The following ANKRD28 variants were observed in gnomAD, a reference collection of about 807,000 sequenced individuals.
ANKRD28 encodes ankyrin repeat domain 28, also known as serine/threonine-protein phosphatase 6 regulatory ankyrin repeat subunit A.
Under a neutral mutation model 126.5 loss-of-function variants are expected in ANKRD28, and 44 were observed. The ratio of observed to expected loss-of-function variants is 0.35; its 90% CI spans 0.27 to 0.45. The LOEUF (loss-of-function observed/expected upper bound fraction) is 0.45. ANKRD28 is among the 20% of genes least tolerant of loss of function. The pLI is 1.00. For missense variants in ANKRD28, 1,110 were observed against 1,316.6 expected, an observed-to-expected ratio of 0.84 and a Z score of 2.43; for synonymous variants, 442 against 468.5, an observed-to-expected ratio of 0.94 and a Z score of 0.73.
chr3:15,814,271 G>A lies in ANKRD28; in HGVS notation c.28-18965C>T. The A allele has an allele frequency of 7.9e-7, 1 of 1,268,514 alleles. No homozygotes were observed. Among genetic ancestry groups the A allele is most frequent in the South Asian group, 1.3e-5 (1 of 76,322 alleles). The allele number at this position is 1,268,514 out of a possible 1,614,324, so 78.6% of individuals were successfully genotyped here. ...AGGAATTCCCATACTATTTTCCTCT[G>A]GTGGAGGCAGTTGTACTGTTTCAAT... On this transcript the variant is annotated intron_variant, in intron 1 of 27. Transcript: ENST00000399451. This position sits in a 1 kb window ranked among gnomAD's most constrained non-coding sequence, Gnocchi z 4.7.
chr3:15,812,832 C>T lies in ANKRD28; in HGVS notation c.28-17526G>A, dbSNP rs1416113144. Among the ~76,000 whole-genome samples the T allele has an allele frequency of 1.3e-5, 2 of 152,078 alleles. No homozygotes were observed. The highest frequency in any genetic ancestry group is 2.9e-5 in the Non-Finnish European group (2 of 68,006). On this transcript the variant is annotated intron_variant, in intron 1 of 27. Transcript: ENST00000399451. The surrounding 1 kb of genome is among the most constrained non-coding windows in gnomAD (Gnocchi z 4.1). ...TGATCATGGGTAGGTAATCTAGACC[C>T]TCCTGAAAAGGCCAGGTAAAGATTC... is the stretch of plus-strand genomic sequence containing the variant.
chr3:15,851,145 T>C (rs1191476848), intron 1 of ANKRD28, among the ~76,000 whole-genome samples: 1 of 152,136 alleles, frequency 6.6e-6, no homozygotes, highest in Non-Finnish European at 1.5e-5. Context: ...TATATCCTTA[T>C]CACAAATAAA....
At chr3:15,729,448 C>T (rs895635314) in intron 6 of ANKRD28, among the ~76,000 whole-genome samples, 5 of 152,278 alleles carry the variant, frequency 3.3e-5, no homozygotes, top group East Asian at 1.9e-4. Context: ...TGTGATGTTT[C>T]GTAAACGGAA....
chr3:15,788,904 C>G (rs948810364), intron 2 of ANKRD28, among the ~76,000 whole-genome samples: 3 of 151,630 alleles, frequency 2.0e-5, no homozygotes, highest in African/African-American at 7.3e-5. Context: ...ACATTTACCC[C>G]CCCAAAAAAA....
chr3:15,725,772 G>A (rs141575618), intron 6 of ANKRD28, among the ~76,000 whole-genome samples: 17 of 152,264 alleles, frequency 1.1e-4, no homozygotes, highest in African/African-American at 3.1e-4. Flanking sequence ...GATCAGGCAC[G>A]GTGGCTCATG....
At chr3:15,785,960 T>C (rs1559529106) in intron 2 of ANKRD28, among the ~76,000 whole-genome samples, 3 of 152,018 alleles carry the variant, frequency 2.0e-5, no homozygotes, top group African/African-American at 7.2e-5. Context: ...TACTATATGA[T>C]TCCAACTATA....
intron 1 of ANKRD28, among the ~76,000 whole-genome samples, chr3:15,808,687 T>A (rs1407300118): frequency 2.0e-5 from 3 of 152,178 alleles, no homozygotes; most frequent in African/African-American, 7.2e-5. Context: ...ACAGCTTTGG[T>A]TTAACCTTCT....
In ANKRD28 at chr3:15,675,887, A is replaced by T; in HGVS notation, c.2965+11T>A. 1 of 1,599,332 alleles carries T rather than the reference A, an allele frequency of 6.3e-7. No homozygotes were observed. ...TCTAGGTTAAGGGAAGAGAATATAG[A>T]ACCAACTTACCATTTTCATCTACTG... On this transcript the variant is annotated intron_variant, in intron 27 of 27. Coordinates refer to ENST00000683139, the MANE Select transcript of ANKRD28 (RefSeq NM_001349278.2).
chr3:15,767,474 GGCC>G (rs2058791813), intron 2 of ANKRD28, among the ~76,000 whole-genome samples: 1 of 151,948 alleles, frequency 6.6e-6, no homozygotes, highest in Non-Finnish European at 1.5e-5. Context: ...ATACATTCCT[GGCC>G]TCCCTTGAAG....
intron 14 of ANKRD28, among the ~76,000 whole-genome samples, chr3:15,703,586 C>A: frequency 6.6e-6 from 1 of 152,194 alleles, no homozygotes. Context: ...GTGCTGGTGC[C>A]TTGATATTCT....
At position 15,670,407 on chromosome 3, in the gene ANKRD28, T is replaced by C. The variant is rs772288422; in HGVS notation, c.3115A>G (p.Thr1039Ala). 9.3e-6 allele frequency: 15 copies of C among 1,613,866 alleles called. No individual in the cohort carries two copies. The South Asian group carries it at 1.6e-4, about 18-fold the overall frequency. ...AINRYTNTSK[T>A]VSFEALPIMR... ...ATGGGCAAAGCTTCAAAGCTGACTG[T>C]TTTTGAGGTGTTGGTATAACGGTTA... Residue 1039 changes from threonine (T) to alanine (A), a missense_variant, in exon 28 of 28, where the codon ACA becomes GCA. By Grantham distance (58) the Thr-to-Ala change is moderately conservative. Transcript: ENST00000683139.
intron 3 of ANKRD28, among the ~76,000 whole-genome samples, chr3:15,764,260 T>C (rs1559492858): frequency 6.6e-6 from 1 of 152,148 alleles, no homozygotes. Flanking sequence ...TAAGTTCAAA[T>C]AGCTTTTTAT....
At chr3:15,752,925 A>G (rs1222986560) in intron 3 of ANKRD28, among the ~76,000 whole-genome samples, 1 of 152,234 alleles carries the variant, frequency 6.6e-6, no homozygotes, top group Non-Finnish European at 1.5e-5. Context: ...ACAAAGATTA[A>G]CATATAATAA....
At chr3:15,702,858 A>T (rs1338285602) in intron 14 of ANKRD28, among the ~76,000 whole-genome samples, 1 of 152,130 alleles carries the variant, frequency 6.6e-6, no homozygotes, top group East Asian at 1.9e-4. Context: ...TCAGTTTTAA[A>T]AAATACAACT....
In ANKRD28 at chr3:15,815,698, G is replaced by C. The variant is rs2060818738; in HGVS notation, c.28-20392C>G. Among the ~76,000 whole-genome samples, 2 of 152,242 alleles carry C rather than the reference G, an allele frequency of 1.3e-5. No homozygotes were observed. Among genetic ancestry groups the C allele is most frequent in the South Asian group, 4.1e-4 (2 of 4,824 alleles). ...TGTAGTAATTAATGCCTTCTAAAAT[G>C]TTAGAAGACATAAACTATCCTTGGA... is the stretch of plus-strand genomic sequence containing the variant. On this transcript the variant is annotated intron_variant, in intron 1 of 27. Coordinates refer to the ANKRD28 transcript ENST00000399451. This position sits in a 1 kb window ranked among gnomAD's most constrained non-coding sequence, Gnocchi z 4.1.
intron 3 of ANKRD28, among the ~76,000 whole-genome samples, chr3:15,757,932 G>A (rs1293296679): frequency 6.6e-6 from 1 of 152,174 alleles, no homozygotes; most frequent in Non-Finnish European, 1.5e-5. Context: ...TAAATATGTA[G>A]CTTTCACTAT....
Position 15,845,012 on chromosome 3 carries a change from G to A in ANKRD28, c.27+14365C>T, listed in dbSNP as rs971330244. Among the ~76,000 whole-genome samples, 1 of 152,106 alleles carries A rather than the reference G, an allele frequency of 6.6e-6. No individual in the cohort carries two copies. The highest frequency in any genetic ancestry group is 1.5e-5 in the Non-Finnish European group (1 of 68,028). On this transcript the variant is annotated intron_variant, in intron 1 of 27. Coordinates refer to the ANKRD28 transcript ENST00000399451. The surrounding 1 kb of genome is among the most constrained non-coding windows in gnomAD (Gnocchi z 4.9). The stretch of plus-strand genomic sequence containing the variant: ...GAAGCAGGCATATCTTACATGGCTG[G>A]AGCAGGAGCAAAATGGGGACACGGG...
intron 6 of ANKRD28, among the ~76,000 whole-genome samples, chr3:15,730,820 G>T (rs577112311): frequency 6.6e-6 from 1 of 152,342 alleles, no homozygotes; most frequent in East Asian, 1.9e-4. Flanking sequence ...GTCCTCCGAA[G>T]TTCATATGTT....
intron 2 of ANKRD28, among the ~76,000 whole-genome samples, chr3:15,787,515 T>C (rs570936682): frequency 1.3e-5 from 2 of 152,300 alleles, no homozygotes; most frequent in East Asian, 3.9e-4. Context: ...CCACGTTCCA[T>C]ACAAGCCAGC....
Sources: allele counts gnomAD v4.1 joint callset (sites outside exome capture counted in the v4.1 genomes callset), GRCh38; gene constraint gnomAD v4.1.1; non-coding constraint Gnocchi (gnomAD v3.1); transcripts MANE v1.5; gene names NCBI Gene and HGNC (gene_info 2026-07-23, HGNC 2026-07-21).